VCAN: variants seen among roughly 807,000 people sequenced by gnomAD.
The protein encoded by VCAN is versican, also known as versican core protein.
Under a neutral mutation model 245.5 loss-of-function variants are expected in VCAN, and 44 were observed. That is an observed-to-expected ratio of 0.18 (90% CI 0.14 to 0.23). VCAN has a LOEUF of 0.23. Ranked by LOEUF, VCAN falls within the 10% of genes least tolerant of loss-of-function variation. The pLI is 1.00. For synonymous variants in VCAN, 1,413 were observed against 1,437.0 expected, an observed-to-expected ratio of 0.98 and a Z score of 0.38; for missense variants, 3,793 against 4,057.9, an observed-to-expected ratio of 0.93 and a Z score of 1.77.
In VCAN at chr5:83,538,057, C is replaced by T. The variant is rs770780608; in HGVS notation, c.5054C>T (p.Pro1685Leu). 5 of 1,614,016 alleles carry T rather than the reference C, an allele frequency of 3.1e-6. No homozygotes were observed. Among genetic ancestry groups the T allele is most frequent in the Non-Finnish European group, 4.2e-6 (5 of 1,179,944 alleles). The change falls in exon 8 of 15, where the codon CCT becomes CTT. Residue 1685 changes from proline to leucine, a missense_variant. Physicochemically the swap from Pro to Leu is moderately conservative, Grantham distance 98. Transcript: ENST00000265077. ...ATCACAGAAAGCTTTTTTGAGGTTC[C>T]TGCAACCACCATTTATCCAGTTTCT... ...RIITESFFEVPATTIYPVSEQ... is the reference protein window; with the variant it reads ...RIITESFFEVLATTIYPVSEQ...
chr5:83,532,198 G>T (rs1428500072), intron 7 of VCAN, among the ~76,000 whole-genome samples: 1 of 152,016 alleles, frequency 6.6e-6, no homozygotes, highest in Non-Finnish European at 1.5e-5. Flanking sequence ...AAACTTTTCT[G>T]GTTTGCAATA....
At chr5:83,577,062 C>A (rs909319743) in intron 13 of VCAN, among the ~76,000 whole-genome samples, 1 of 151,904 alleles carries the variant, frequency 6.6e-6, no homozygotes, top group Non-Finnish European at 1.5e-5. Flanking sequence ...GAACAGAATC[C>A]TTAATTTTAT....
At chr5:83,556,479 T>G (rs1747670414) in intron 12 of VCAN, among the ~76,000 whole-genome samples, 1 of 152,168 alleles carries the variant, frequency 6.6e-6, no homozygotes, top group African/African-American at 2.4e-5. Context: ...AGTTCTTAAG[T>G]AGGTTATTTG....
In VCAN at chr5:83,538,850, A is replaced by G; in HGVS notation, c.5847A>G (p.Ala1949=). ...ACTCAACAGTGTCTCATCCCATAGC[A>G]AAAGAAGAAACGGTAATGATGGAAG... ...REYSTVSHPI[A]KEETVMMEGS... The change falls in exon 8 of 15, where the codon GCA becomes GCG. Residue 1949 remains alanine (A), a synonymous_variant. Coordinates refer to ENST00000265077, the MANE Select transcript of VCAN (RefSeq NM_004385.5). 1 of 1,614,038 alleles carries G rather than the reference A, an allele frequency of 6.2e-7. No individual in the cohort carries two copies. The highest frequency in any genetic ancestry group is 1.7e-5 in the Admixed American group (1 of 59,976).
At chr5:83,508,439 A>G (rs1481922002) in intron 5 of VCAN, among the ~76,000 whole-genome samples, 2 of 152,204 alleles carry the variant, frequency 1.3e-5, no homozygotes, top group African/African-American at 4.8e-5. Flanking sequence ...TTGGACATTT[A>G]ACTTATCACG....
At chr5:83,519,072 A>G (rs1321655257) in intron 6 of VCAN, among the ~76,000 whole-genome samples, 3 of 152,154 alleles carry the variant, frequency 2.0e-5, no homozygotes, top group African/African-American at 7.2e-5. Flanking sequence ...CATAATATTA[A>G]TTTTCCTCAA....
intron 7 of VCAN, among the ~76,000 whole-genome samples, chr5:83,530,839 A>T (rs1296693015): frequency 6.6e-6 from 1 of 151,998 alleles, no homozygotes; most frequent in Admixed American, 6.6e-5. Flanking sequence ...AATTGAGGTG[A>T]TACAAAATAT....
At chr5:83,568,158 C>T (rs2112493433) in intron 12 of VCAN, among the ~76,000 whole-genome samples, 1 of 152,038 alleles carries the variant, frequency 6.6e-6, no homozygotes, top group Non-Finnish European at 1.5e-5. Context: ...TTTCTCCCTA[C>T]AAGTAATGTT....
chr5:83,572,861 TTTTATTTATTTATTTA>T (rs138181383), intron 13 of VCAN, among the ~76,000 whole-genome samples: 42 of 142,956 alleles, frequency 2.9e-4, no homozygotes, highest in African/African-American at 5.9e-4. Context: ...ACCTTTTTAT[TTTTATTTATTTATTTA>T]TTTATTTATT....
At chr5:83,486,761 T>A (rs1744804812) in intron 2 of VCAN, among the ~76,000 whole-genome samples, 1 of 152,252 alleles carries the variant, frequency 6.6e-6, no homozygotes, top group African/African-American at 2.4e-5. Flanking sequence ...TACCTATTCT[T>A]TGTAAATCCA....
At chr5:83,473,516 TTC>T (rs1360712963) in intron 1 of VCAN, among the ~76,000 whole-genome samples, 1 of 152,032 alleles carries the variant, frequency 6.6e-6, no homozygotes, top group Non-Finnish European at 1.5e-5. Context: ...CCAGCCTCTG[TTC>T]TCTCTCTCTA....
chr5:83,516,291 A>T (rs779418818), intron 6 of VCAN, among the ~76,000 whole-genome samples: 3 of 152,214 alleles, frequency 2.0e-5, no homozygotes, highest in Non-Finnish European at 2.9e-5. Context: ...CTCAAAAAAA[A>T]AAATTATATA....
In VCAN at chr5:83,541,885, C is replaced by G; in HGVS notation, c.8882C>G (p.Thr2961Arg). The G allele has an allele frequency of 6.2e-7, 1 of 1,614,074 alleles. No homozygotes were observed. The highest frequency in any genetic ancestry group is 1.1e-5 in the South Asian group (1 of 91,076). ...IKTPEAGTVI[T>R]TADEIELEGA... ...ACACCTGAGGCTGGAACTGTTATTA[C>G]AACTGCCGATGAAATTGAATTAGAA... is the stretch of plus-strand genomic sequence containing the variant. Residue 2961 changes from threonine (T) to arginine (R), a missense_variant, in exon 8 of 15, where the codon ACA (threonine) becomes AGA (arginine). Physicochemically the swap from Thr to Arg is moderately conservative, Grantham distance 71. This residue lies in a region of VCAN where 3,182 missense variants were observed against 3,250.3 expected (regional missense o/e 0.98). Coordinates refer to ENST00000265077, the MANE Select transcript of VCAN (RefSeq NM_004385.5).
At chr5:83,510,600 T>C (rs1745620192) in intron 5 of VCAN, among the ~76,000 whole-genome samples, 1 of 152,254 alleles carries the variant, frequency 6.6e-6, no homozygotes, top group East Asian at 1.9e-4. Flanking sequence ...TATTCTATAA[T>C]TCTGCTTCTG....
chr5:83,504,777 C>A (rs964298868), intron 5 of VCAN, among the ~76,000 whole-genome samples: 1 of 152,020 alleles, frequency 6.6e-6, no homozygotes, highest in Admixed American at 6.6e-5. Context: ...GGTATATTTC[C>A]TGATGTATTA....
chr5:83,540,643 T>C lies in VCAN; in HGVS notation c.7640T>C (p.Leu2547Pro). 5.0e-6 allele frequency: 8 copies of C among 1,613,824 alleles called. No homozygotes were observed. The highest frequency in any genetic ancestry group is 6.8e-6 in the Non-Finnish European group (8 of 1,179,948). Residue 2547 changes from leucine (L) to proline (P), a missense_variant, in exon 8 of 15, where the codon CTG becomes CCG. Leu to Pro is a moderately conservative substitution (Grantham distance 98). Coordinates refer to ENST00000265077, the MANE Select transcript of VCAN (RefSeq NM_004385.5). ...KKPTENIIID[L>P]DKEDKDLILT... is the part of the protein sequence containing the mutation. ...CCCACTGAAAATATTATCATAGACC[T>C]GGACAAAGAGGACAAGGATTTAATA...
chr5:83,540,402 A>G lies in VCAN; in HGVS notation c.7399A>G (p.Lys2467Glu), dbSNP rs1368895376. 6 of 1,613,904 alleles carry G rather than the reference A, an allele frequency of 3.7e-6. No homozygotes were observed. Among genetic ancestry groups the G allele is most frequent in the Non-Finnish European group, 4.2e-6 (5 of 1,179,942 alleles). Residue 2467 changes from lysine to glutamate, a missense_variant, in exon 8 of 15, where the codon AAA becomes GAA. Around this residue, in one of 5 missense-constraint regions of VCAN, gnomAD observed 3,182 missense variants for 3,250.3 expected, o/e 0.98. Coordinates refer to ENST00000265077, the MANE Select transcript of VCAN (RefSeq NM_004385.5). The stretch of plus-strand genomic sequence containing the variant: ...ATTTGTTTCTGATGGGTCCCTGGAA[A>G]AACATCCTGAGGTGCCAAGCGCTAA... ...TTFVSDGSLEKHPEVPSAKAV... is the reference protein window; with the variant it reads ...TTFVSDGSLEEHPEVPSAKAV...
intron 5 of VCAN, among the ~76,000 whole-genome samples, chr5:83,499,455 G>C (rs2112368563): frequency 6.6e-6 from 1 of 152,176 alleles, no homozygotes; most frequent in African/African-American, 2.4e-5. Flanking sequence ...TCTGGAAACT[G>C]CCTTCCACCA....
chr5:83,552,408 A>G (rs946048790), intron 10 of VCAN, among the ~76,000 whole-genome samples: 1 of 152,140 alleles, frequency 6.6e-6, no homozygotes, highest in Non-Finnish European at 1.5e-5. Context: ...AACTACTTCA[A>G]TATAATTGTG....
Sources: gnomAD v4.1 joint callset for allele counts (sites outside exome capture counted in the v4.1 genomes callset) on GRCh38, gnomAD v4.1.1 for gene constraint, gnomAD v4.1.1 regional missense constraint, MANE v1.5 for transcripts, NCBI Gene and HGNC (gene_info 2026-07-23, HGNC 2026-07-21) for gene names.